Variants in NR2F1-AS1 observed in about 807,000 individuals in gnomAD.
NR2F1-AS1 encodes the protein NR2F1 regulatory antisense RNA 1.
At chr5:93,429,470 C>T (rs1286870421) in intron 4 of NR2F1-AS1, among the ~76,000 whole-genome samples, 5 of 152,142 alleles carry the variant, frequency 3.3e-5, no homozygotes, top group Non-Finnish European at 7.4e-5. Flanking sequence ...TGACAATCTG[C>T]AGCAAGTCAC....
At chr5:93,446,007 A>C (rs1749696887) in intron 4 of NR2F1-AS1, among the ~76,000 whole-genome samples, 1 of 152,202 alleles carries the variant, frequency 6.6e-6, no homozygotes, top group Non-Finnish European at 1.5e-5. Context: ...ACAGCCCTTC[A>C]TCCTAAAAAC....
chr5:93,519,522 G>A (rs1751462176), intron 4 of NR2F1-AS1, among the ~76,000 whole-genome samples: 1 of 151,900 alleles, frequency 6.6e-6, no homozygotes, highest in East Asian at 1.9e-4. Flanking sequence ...TTTCTACACT[G>A]TATGTTTTGG....
chr5:93,486,228 C>A (rs1254084825), intron 4 of NR2F1-AS1, among the ~76,000 whole-genome samples: 6 of 150,312 alleles, frequency 4.0e-5, no homozygotes, highest in African/African-American at 1.5e-4. Context: ...CTAACCTGCA[C>A]ATTGTGCACA....
At chr5:93,427,031 C>T (rs1291189037) in intron 4 of NR2F1-AS1, among the ~76,000 whole-genome samples, 2 of 152,168 alleles carry the variant, frequency 1.3e-5, no homozygotes, top group Non-Finnish European at 2.9e-5. Flanking sequence ...GACAAGACTA[C>T]TGAAGAGTTA....
chr5:93,546,644 C>T (rs546231047), intron 4 of NR2F1-AS1, among the ~76,000 whole-genome samples: 2 of 152,098 alleles, frequency 1.3e-5, no homozygotes, highest in African/African-American at 4.8e-5. Context: ...AAATGGATGC[C>T]AGCTATTATC....
chr5:93,561,821 T>C (rs1313564749), intron 2 of NR2F1-AS1, among the ~76,000 whole-genome samples: 2 of 152,150 alleles, frequency 1.3e-5, no homozygotes, highest in Admixed American at 6.5e-5. Context: ...TACATATTTA[T>C]GAAAACATGT....
intron 1 of NR2F1-AS1, chr5:93,570,428 G>T (rs1752726515): frequency 6.6e-6 from 1 of 152,648 alleles, no homozygotes; most frequent in South Asian, 2.1e-4. Context: ...GCTAAATGGG[G>T]AAGTTGTAAA....
intron 4 of NR2F1-AS1, among the ~76,000 whole-genome samples, chr5:93,413,102 G>C (rs1580202182): frequency 7.0e-6 from 1 of 141,906 alleles, no homozygotes; most frequent in Non-Finnish European, 1.5e-5. Context: ...GTGTGTGTGT[G>C]TGTGTATGCA....
At chr5:93,559,226 T>C (rs1752431569) in intron 2 of NR2F1-AS1, among the ~76,000 whole-genome samples, 2 of 152,228 alleles carry the variant, frequency 1.3e-5, no homozygotes, top group Admixed American at 1.3e-4. Context: ...GTATACTTAC[T>C]TATACTTTTA....
At chr5:93,420,027 C>T (rs1749055682) in intron 4 of NR2F1-AS1, among the ~76,000 whole-genome samples, 1 of 152,140 alleles carries the variant, frequency 6.6e-6, no homozygotes, top group Non-Finnish European at 1.5e-5. Context: ...GAAATCCTGT[C>T]TCTACTAAAA....
chr5:93,563,431 T>C (rs779482427), exon 2 of NR2F1-AS1: 9 of 152,222 alleles, frequency 5.9e-5, no homozygotes, highest in Non-Finnish European at 1.2e-4. Flanking sequence ...GTTTCATTTA[T>C]CCACACCTTT....
At chr5:93,558,706 A>T (rs961142189) in intron 2 of NR2F1-AS1, among the ~76,000 whole-genome samples, 1 of 152,244 alleles carries the variant, frequency 6.6e-6, no homozygotes, top group Non-Finnish European at 1.5e-5. Flanking sequence ...TTGTATTAGC[A>T]GACATGAAAA....
chr5:93,461,580 G>C (rs1254566274), intron 4 of NR2F1-AS1, among the ~76,000 whole-genome samples: 2 of 152,130 alleles, frequency 1.3e-5, no homozygotes, highest in African/African-American at 4.8e-5. Flanking sequence ...ATAAGAAAAA[G>C]TATAATCCTT....
At chr5:93,540,936 A>C (rs1751937738) in intron 4 of NR2F1-AS1, among the ~76,000 whole-genome samples, 1 of 152,226 alleles carries the variant, frequency 6.6e-6, no homozygotes, top group South Asian at 2.1e-4. Flanking sequence ...CTGGTTTGAT[A>C]GAAGAAAATG....
chr5:93,519,498 A>T, intron 4 of NR2F1-AS1, among the ~76,000 whole-genome samples: 1 of 151,970 alleles, frequency 6.6e-6, no homozygotes, highest in Non-Finnish European at 1.5e-5. Context: ...TGCTGAAAGG[A>T]CCCTTAATTT....
At chr5:93,496,665 T>C (rs978329208) in intron 4 of NR2F1-AS1, among the ~76,000 whole-genome samples, 3 of 152,212 alleles carry the variant, frequency 2.0e-5, no homozygotes, top group African/African-American at 7.2e-5. Flanking sequence ...CTTTGCCATA[T>C]AAAGTAACTG....
chr5:93,471,906 G>A (rs1750373330), intron 4 of NR2F1-AS1, among the ~76,000 whole-genome samples: 1 of 151,758 alleles, frequency 6.6e-6, no homozygotes, highest in Non-Finnish European at 1.5e-5. Flanking sequence ...CAATAGCTGC[G>A]TATCTCACTA....
intron 1 of NR2F1-AS1, among the ~76,000 whole-genome samples, chr5:93,564,530 G>A (rs1752572792): frequency 6.6e-6 from 1 of 152,064 alleles, no homozygotes; most frequent in South Asian, 2.1e-4. Flanking sequence ...TCTCCAAAGA[G>A]ATTTTAAAAA....
At chr5:93,470,658 T>C (rs1750347211) in intron 4 of NR2F1-AS1, among the ~76,000 whole-genome samples, 1 of 151,854 alleles carries the variant, frequency 6.6e-6, no homozygotes, top group Non-Finnish European at 1.5e-5. Flanking sequence ...ATATCACTCC[T>C]AGTAACATGC....
Sources: allele counts gnomAD v4.1 joint callset (sites outside exome capture counted in the v4.1 genomes callset), GRCh38; gene constraint gnomAD v4.1.1; transcripts MANE v1.5; gene names NCBI Gene and HGNC (gene_info 2026-07-23, HGNC 2026-07-21).